ATP8A2: variants seen among roughly 807,000 people sequenced by gnomAD.
ATP8A2 encodes ATPase phospholipid transporting 8A2, also known as phospholipid-transporting ATPase IB.
Under a neutral mutation model 165.6 loss-of-function variants are expected in ATP8A2, and 100 were observed. That is an observed-to-expected ratio of 0.60 (90% CI 0.51 to 0.71). The LOEUF is 0.71. Among genes scored for constraint, ATP8A2 ranks in the 30% least tolerant of loss-of-function variants. ATP8A2 has a pLI of 0.00. For synonymous variants in ATP8A2, 543 were observed against 548.8 expected, an observed-to-expected ratio of 0.99 and a Z score of 0.15; for missense variants, 1,227 against 1,479.5, an observed-to-expected ratio of 0.83 and a Z score of 2.80.
At chr13:25,776,606 C>T (rs1175262682) in intron 27 of ATP8A2, among the ~76,000 whole-genome samples, 1 of 152,090 alleles carries the variant, frequency 6.6e-6, no homozygotes, top group African/African-American at 2.4e-5. Context: ...TCCCTTTTGG[C>T]ACTTAAAGGT....
intron 35 of ATP8A2, among the ~76,000 whole-genome samples, chr13:25,970,381 G>A (rs1010452318): frequency 6.6e-6 from 1 of 152,224 alleles, no homozygotes; most frequent in Non-Finnish European, 1.5e-5. Flanking sequence ...TGAACAACAG[G>A]CTTTTGAGGA....
chr13:25,871,841 T>C (rs909105431), intron 33 of ATP8A2, among the ~76,000 whole-genome samples: 1 of 152,142 alleles, frequency 6.6e-6, no homozygotes. Flanking sequence ...GTATGTATAC[T>C]TCGATTCGCA....
intron 33 of ATP8A2, among the ~76,000 whole-genome samples, chr13:25,958,791 G>C (rs1955592309): frequency 6.6e-6 from 1 of 152,162 alleles, no homozygotes; most frequent in Non-Finnish European, 1.5e-5. Flanking sequence ...ATACTTTCAA[G>C]TCTTCATATA....
At chr13:25,628,142 C>G (rs556627249) in intron 24 of ATP8A2, among the ~76,000 whole-genome samples, 23 of 152,158 alleles carry the variant, frequency 1.5e-4, no homozygotes, top group Non-Finnish European at 2.8e-4. Context: ...CTGGACACTC[C>G]TAGGCCACCC....
chr13:25,629,344 G>C (rs767295499), intron 24 of ATP8A2, among the ~76,000 whole-genome samples: 3 of 152,046 alleles, frequency 2.0e-5, no homozygotes, highest in South Asian at 2.1e-4. Flanking sequence ...TTAAAATTAA[G>C]ACTAGTTAAC....
In ATP8A2 at chr13:25,449,247, T is replaced by G. The variant is rs142495022; in HGVS notation, c.77-19730T>G. On this transcript the variant is annotated intron_variant, in intron 1 of 36. Transcript: ENST00000381655. ...CCTTTCTATTTTTCTAATGTAAGCATTTAAGCTATAGATTTCTAAGTTATA... is the reference window on the plus strand; with the variant it reads ...CCTTTCTATTTTTCTAATGTAAGCAGTTAAGCTATAGATTTCTAAGTTATA... Among the ~76,000 whole-genome samples the G allele has an allele frequency of 9.2e-5, 14 of 152,342 alleles. No homozygotes were observed. The East Asian group carries it at 2.7e-3, about 29-fold the overall frequency.
At chr13:25,918,648 C>T (rs60514011) in intron 33 of ATP8A2, among the ~76,000 whole-genome samples, 10 of 152,206 alleles carry the variant, frequency 6.6e-5, no homozygotes, top group Admixed American at 2.0e-4. Context: ...GCCTCCCCCC[C>T]GCAACAATAA....
intron 2 of ATP8A2, among the ~76,000 whole-genome samples, chr13:25,503,878 A>G (rs1391103241): frequency 6.6e-6 from 1 of 152,212 alleles, no homozygotes; most frequent in Non-Finnish European, 1.5e-5. Flanking sequence ...TGGGTGCAAG[A>G]TAGCAGCTCA....
At chr13:25,574,739 T>C in intron 18 of ATP8A2, 69 bp from the exon 19 acceptor site, 1 of 894,288 alleles carries the variant, frequency 1.1e-6, no homozygotes, top group Non-Finnish European at 1.9e-6. Context: ...CTGTTTATGC[T>C]TGGGAGACAA....
chr13:25,951,639 G>A lies in ATP8A2; in HGVS notation c.3184-9936G>A, dbSNP rs764045911. Among the ~76,000 whole-genome samples the A allele has an allele frequency of 9.1e-4, 139 of 152,278 alleles. 2 individuals are homozygous for A. The highest frequency in any genetic ancestry group is 7.2e-4 in the Admixed American group (11 of 15,296). On this transcript the variant is annotated intron_variant, in intron 33 of 36. Coordinates refer to ENST00000381655, the MANE Select transcript of ATP8A2 (RefSeq NM_016529.6). The stretch of plus-strand genomic sequence containing the variant: ...ATATTTAAATTATAACCCCCAGGAA[G>A]CATTGCCTCATCTTCCTGGGGGATG...
At chr13:25,824,747 T>A (rs1451127019) in intron 27 of ATP8A2, among the ~76,000 whole-genome samples, 1 of 152,174 alleles carries the variant, frequency 6.6e-6, no homozygotes, top group Non-Finnish European at 1.5e-5. Context: ...ACTTACTTGA[T>A]CAGTGTCTGC....
At chr13:25,658,855 C>T (rs1290347741) in intron 24 of ATP8A2, among the ~76,000 whole-genome samples, 1 of 152,160 alleles carries the variant, frequency 6.6e-6, no homozygotes, top group Non-Finnish European at 1.5e-5. Flanking sequence ...AGTTTCCCAC[C>T]TGCTGGCTCC....
chr13:25,857,220 C>T (rs572810905), intron 30 of ATP8A2, among the ~76,000 whole-genome samples: 1 of 152,178 alleles, frequency 6.6e-6, no homozygotes, highest in African/African-American at 2.4e-5. Context: ...CACAGTTTCT[C>T]TCCTCTGTCT....
At chr13:25,428,918 C>T (rs1055082382) in intron 1 of ATP8A2, among the ~76,000 whole-genome samples, 1 of 152,162 alleles carries the variant, frequency 6.6e-6, no homozygotes, top group Admixed American at 6.5e-5. Context: ...TTAGTAAGAG[C>T]TCACAGCACG....
chr13:25,633,254 T>A (rs192483524), intron 24 of ATP8A2, among the ~76,000 whole-genome samples: 1 of 152,318 alleles, frequency 6.6e-6, no homozygotes, highest in East Asian at 1.9e-4. Flanking sequence ...CAGAATGGCA[T>A]GTAAAGAAAT....
chr13:25,992,004 T>TTG (rs1310708602), intron 35 of ATP8A2, among the ~76,000 whole-genome samples: 1 of 152,018 alleles, frequency 6.6e-6, no homozygotes, highest in Admixed American at 6.5e-5. Flanking sequence ...GTTACCTGAT[T>TTG]TGTGTGTGTG....
intron 27 of ATP8A2, among the ~76,000 whole-genome samples, chr13:25,778,408 G>C (rs534637299): frequency 6.6e-6 from 1 of 152,080 alleles, no homozygotes; most frequent in South Asian, 2.1e-4. Context: ...TAAAAACTAG[G>C]AACAAAATTA....
At chr13:25,671,416 C>T (rs1055740120) in intron 24 of ATP8A2, among the ~76,000 whole-genome samples, 4 of 152,138 alleles carry the variant, frequency 2.6e-5, no homozygotes, top group East Asian at 3.9e-4. Flanking sequence ...AAACTCTGAC[C>T]GCCGGTGAGC....
At chr13:25,401,579 A>G (rs1293555984) in intron 1 of ATP8A2, among the ~76,000 whole-genome samples, 2 of 152,090 alleles carry the variant, frequency 1.3e-5, no homozygotes, top group Non-Finnish European at 2.9e-5. Flanking sequence ...AATGAATACA[A>G]TCAGGTTAGG....
Sources: allele counts gnomAD v4.1 joint callset (sites outside exome capture counted in the v4.1 genomes callset), GRCh38; gene constraint gnomAD v4.1.1; transcripts MANE v1.5; gene names NCBI Gene and HGNC (gene_info 2026-07-23, HGNC 2026-07-21).